Variants in TMX3 observed in about 807,000 individuals in gnomAD.
The protein encoded by TMX3 is thioredoxin related transmembrane protein 3, also known as protein disulfide-isomerase TMX3.
Under a neutral mutation model 64.4 loss-of-function variants are expected in TMX3, and 40 were observed. The ratio of observed to expected loss-of-function variants is 0.62; its 90% CI spans 0.48 to 0.81. The LOEUF is 0.81. Ranked by LOEUF, TMX3 falls within the 30% of genes least tolerant of loss-of-function variation. The pLI is 0.00. For missense variants in TMX3, 497 were observed against 534.5 expected, an observed-to-expected ratio of 0.93 and a Z score of 0.69; for synonymous variants, 189 against 175.7, an observed-to-expected ratio of 1.08 and a Z score of -0.60.
intron 6 of TMX3, among the ~76,000 whole-genome samples, chr18:68,699,264 C>G (rs551900843): frequency 6.6e-6 from 1 of 152,138 alleles, no homozygotes; most frequent in Non-Finnish European, 1.5e-5. Context: ...CTACAATAGT[C>G]ATCTCCAATT....
chr18:68,705,357 C>A (rs2030560856), intron 4 of TMX3, among the ~76,000 whole-genome samples: 1 of 152,168 alleles, frequency 6.6e-6, no homozygotes, highest in Non-Finnish European at 1.5e-5. Context: ...AACTATCCAG[C>A]CCAAAAATGT....
In TMX3 at chr18:68,697,927, C is replaced by T; in HGVS notation, c.492+5G>A. On this transcript the variant is annotated splice_donor_5th_base_variant and intron_variant, in intron 7 of 15. Coordinates refer to ENST00000299608, the MANE Select transcript of TMX3 (RefSeq NM_019022.5). Reference sequence around the variant, plus strand: ...CTGTTTTTGTGGATTAAAAAAAAGTCTTACTTTCAAAGGTGATTCTCCACC... The same window carrying T: ...CTGTTTTTGTGGATTAAAAAAAAGTTTTACTTTCAAAGGTGATTCTCCACC... 1 of 1,585,394 alleles carries T rather than the reference C, an allele frequency of 6.3e-7. No homozygotes were observed. Among genetic ancestry groups the T allele is most frequent in the Non-Finnish European group, 8.6e-7 (1 of 1,158,744 alleles).
At chr18:68,692,474 C>G (rs915157224) in intron 8 of TMX3, among the ~76,000 whole-genome samples, 3 of 152,158 alleles carry the variant, frequency 2.0e-5, no homozygotes, top group African/African-American at 7.2e-5. Flanking sequence ...CAGAAATTGT[C>G]TGAATTCATC....
chr18:68,695,625 C>A (rs112464000), intron 8 of TMX3, among the ~76,000 whole-genome samples: 1,679 of 152,246 alleles, frequency 0.011, 12 homozygotes, highest in African/African-American at 0.017. Flanking sequence ...TCAATTCATC[C>A]CTATTCTTCC....
rs756484965 is a variant in TMX3 at position 68,682,972 on chromosome 18, C to A, written c.858G>T (p.Gln286His). The A allele has an allele frequency of 5.6e-6, 9 of 1,608,872 alleles. No homozygotes were observed. In the East Asian group the frequency reaches 1.1e-4, roughly 20 times the overall value. Residue 286 changes from glutamine (Q) to histidine (H), a missense_variant, in exon 13 of 16, where the codon CAG becomes CAT. By Grantham distance (24) the Gln-to-His change is conservative (BLOSUM62 0). Around this residue, in one of 3 missense-constraint regions of TMX3, gnomAD observed 360 missense variants for 383.5 expected, o/e 0.94. Transcript: ENST00000299608. ...AGTCATTTCCATCCATGTGGCCAAA[C>A]TGAAAATCCCTAACCACCACCAACC... Reference protein sequence around the residue: ...DYRDLFHRDFQFGHMDGNDYI... With the variant: ...DYRDLFHRDFHFGHMDGNDYI...
intron 10 of TMX3, 106 bp from the exon 11 acceptor site, chr18:68,684,591 T>A: frequency 1.1e-6 from 1 of 904,274 alleles, no homozygotes; most frequent in Non-Finnish European, 1.7e-6. Flanking sequence ...TTCTAGAATT[T>A]AATTCCAATC....
chr18:68,686,322 A>G (rs1441307741), intron 10 of TMX3, among the ~76,000 whole-genome samples: 1 of 152,208 alleles, frequency 6.6e-6, no homozygotes, highest in Admixed American at 6.5e-5. Context: ...CACCTGTTTT[A>G]ATCACCTCAA....
At chr18:68,686,897 G>T in intron 10 of TMX3, 1 of 985,144 alleles carries the variant, frequency 1.0e-6, no homozygotes, top group Non-Finnish European at 1.2e-6. Flanking sequence ...AGGAGAACAT[G>T]TAAGAATGTC....
At position 68,712,314 on chromosome 18, in the gene TMX3, C is replaced by T. The variant is rs114325052; in HGVS notation, c.102-911G>A. ...TGGCCCACTGGCTTTATGAACCTGT[C>T]CCTGGACAGTATTGTTAGCCTTGAC... On this transcript the variant is annotated intron_variant, in intron 2 of 15. Coordinates refer to ENST00000299608, the MANE Select transcript of TMX3 (RefSeq NM_019022.5). 8.8e-3 allele frequency among the ~76,000 whole-genome samples: 1,346 copies of T among 152,216 alleles called. 16 individuals carry two copies. Among genetic ancestry groups the T allele is most frequent in the African/African-American group, 0.031 (1,280 of 41,534 alleles).
intron 3 of TMX3, 150 bp downstream of exon 3, chr18:68,711,212 GTA>G (rs2031238353): frequency 2.2e-6 from 1 of 463,764 alleles, no homozygotes; most frequent in African/African-American, 2.0e-5. Flanking sequence ...TCTTTTTAAT[GTA>G]AAATCTCAAA....
intron 10 of TMX3, among the ~76,000 whole-genome samples, chr18:68,684,974 C>G (rs1487994289): frequency 6.6e-6 from 1 of 152,076 alleles, no homozygotes; most frequent in Non-Finnish European, 1.5e-5. Context: ...TCAGTACTTG[C>G]CAGTTATAAT....
intron 12 of TMX3, 22 bp from the exon 13 acceptor site, chr18:68,683,003 TA>T (rs772106920): frequency 6.3e-7 from 1 of 1,576,246 alleles, no homozygotes; most frequent in Non-Finnish European, 8.6e-7. Flanking sequence ...CAACCAAAAA[TA>T]AATAAATAAA....
In TMX3 at chr18:68,714,958, C is replaced by G; in HGVS notation, c.24G>C (p.Thr8=). The G allele has an allele frequency of 3.2e-6, 5 of 1,573,214 alleles. No individual in the cohort carries two copies. Among genetic ancestry groups the G allele is most frequent in the South Asian group, 1.2e-5 (1 of 85,538 alleles). MAAWKSW[T]ALRLCATVVV... ...TACCTGTGGCGCAGAGCCGCAGGGC[C>G]GTCCAACTCTTCCACGCTGCCATGC... The change falls in exon 1 of 16, where the codon ACG becomes ACC. Residue 8 remains threonine (T), a synonymous_variant. Coordinates refer to ENST00000299608, the MANE Select transcript of TMX3 (RefSeq NM_019022.5).
chr18:68,714,870 C>T, intron 1 of TMX3, 66 bp downstream of exon 1: 1 of 1,545,430 alleles, frequency 6.5e-7, no homozygotes, highest in Admixed American at 2.0e-5. Flanking sequence ...CGGGTCCAAT[C>T]CCGGCCCCAC....
chr18:68,686,079 T>C (rs929541999), intron 10 of TMX3, among the ~76,000 whole-genome samples: 1 of 151,660 alleles, frequency 6.6e-6, no homozygotes, highest in South Asian at 2.1e-4. Flanking sequence ...AGGCTGGAGG[T>C]GTAGGCAAGA....
chr18:68,675,723 A>G lies in TMX3; in HGVS notation c.*1210T>C, dbSNP rs967722675. The G allele has an allele frequency of 3.3e-5, 5 of 152,214 alleles. No individual in the cohort carries two copies. Among genetic ancestry groups the G allele is most frequent in the African/African-American group, 1.2e-4 (5 of 41,460 alleles). The allele number at this position is 152,214 out of a possible 1,614,324, so 9.4% of individuals were successfully genotyped here. ...CAAAAATAATTTATCTACAATAAAC[A>G]TACCAAACTGTTACTTTAAAAAAAA... On this transcript the variant is annotated 3_prime_UTR_variant, in exon 16 of 16. Transcript: ENST00000299608.
rs750739107 is a variant in TMX3 at position 68,682,962 on chromosome 18, T to A, written c.868A>T (p.Met290Leu). The change falls in exon 13 of 16, where the codon ATG becomes TTG. Residue 290 changes from methionine to leucine, a missense_variant. This residue lies in a region of TMX3 where 360 missense variants were observed against 383.5 expected (regional missense o/e 0.94). Transcript: ENST00000299608. ...GTATTTATGTAGTCATTTCCATCCATGTGGCCAAACTGAAAATCCCTAACC... is the reference window on the plus strand; with the variant it reads ...GTATTTATGTAGTCATTTCCATCCAAGTGGCCAAACTGAAAATCCCTAACC... ...LFHRDFQFGH[M>L]DGNDYINTLL... The A allele has an allele frequency of 6.2e-7, 1 of 1,610,518 alleles. No homozygotes were observed. Among genetic ancestry groups the A allele is most frequent in the South Asian group, 1.1e-5 (1 of 90,726 alleles).
chr18:68,714,996 G>A lies in TMX3; in HGVS notation c.-15C>T. ...CACGCTGCCATGCTAGCCCGGGAGA[G>A]CTGCAGAAGCTGACTGTGCAAAAGA... On this transcript the variant is annotated 5_prime_UTR_variant, in exon 1 of 16. Coordinates refer to ENST00000299608, the MANE Select transcript of TMX3 (RefSeq NM_019022.5). The A allele has an allele frequency of 6.4e-7, 1 of 1,564,342 alleles. No individual in the cohort carries two copies. Among genetic ancestry groups the A allele is most frequent in the East Asian group, 2.4e-5 (1 of 41,542 alleles).
At chr18:68,702,998 T>C (rs757283521) in intron 4 of TMX3, among the ~76,000 whole-genome samples, 2 of 152,216 alleles carry the variant, frequency 1.3e-5, no homozygotes, top group Non-Finnish European at 2.9e-5. Context: ...GTTCTGAAGA[T>C]ACAGGTCCTG....
Sources: gnomAD v4.1 joint callset for allele counts (sites outside exome capture counted in the v4.1 genomes callset) on GRCh38, gnomAD v4.1.1 for gene constraint, gnomAD v4.1.1 regional missense constraint, MANE v1.5 for transcripts, NCBI Gene and HGNC (gene_info 2026-07-23, HGNC 2026-07-21) for gene names.